The following FAM240B variants were observed in gnomAD, a reference collection of about 807,000 sequenced individuals.
The protein encoded by FAM240B is family with sequence similarity 240 member B, also known as protein FAM240B.
chr9:38,694,394 G>T lies in FAM240B; in HGVS notation c.*382C>A, dbSNP rs1435756174. 3.1e-5 allele frequency: 5 copies of T among 163,440 alleles called. No individual in the cohort carries two copies. Among genetic ancestry groups the T allele is most frequent in the African/African-American group, 1.2e-4 (5 of 41,968 alleles). The allele number at this position is 163,440 out of a possible 1,614,324, so 10.1% of individuals were successfully genotyped here. On this transcript the variant is annotated 3_prime_UTR_variant, in exon 3 of 3. Coordinates refer to ENST00000637493, the MANE Select transcript of FAM240B (RefSeq NM_001394922.1). ...CCTGGCAAAGCCAAATTTTCATCAAGGTCATTGCCCTCGGTAAGCTTAGAG... is the reference window on the plus strand; with the variant it reads ...CCTGGCAAAGCCAAATTTTCATCAATGTCATTGCCCTCGGTAAGCTTAGAG...
At chr9:38,714,016 G>C (rs528946740) in intron 1 of FAM240B, among the ~76,000 whole-genome samples, 49 of 152,234 alleles carry the variant, frequency 3.2e-4, no homozygotes, top group African/African-American at 1.2e-3. Context: ...ACATTTTGTA[G>C]TGTCACAAAG....
chr9:38,700,539 T>C (rs972243716), intron 2 of FAM240B, among the ~76,000 whole-genome samples: 2 of 152,218 alleles, frequency 1.3e-5, no homozygotes, highest in Non-Finnish European at 2.9e-5. Flanking sequence ...TTATCTAAAC[T>C]GAGATACTTT....
At chr9:38,709,510 C>T (rs561714479) in intron 1 of FAM240B, among the ~76,000 whole-genome samples, 1 of 152,314 alleles carries the variant, frequency 6.6e-6, no homozygotes, top group Admixed American at 6.5e-5. Flanking sequence ...GCACCTGGCC[C>T]AGGCAGAGAC....
intron 1 of FAM240B, among the ~76,000 whole-genome samples, chr9:38,707,464 TA>T (rs1420355129): frequency 2.0e-5 from 3 of 149,830 alleles, no homozygotes; most frequent in Admixed American, 1.3e-4. Flanking sequence ...ACCCAAGGAG[TA>T]AATTAATTCA....
intron 1 of FAM240B, among the ~76,000 whole-genome samples, chr9:38,717,626 G>A (rs919381175): frequency 1.3e-5 from 2 of 151,914 alleles, no homozygotes; most frequent in Non-Finnish European, 2.9e-5. Context: ...GACTACAGGC[G>A]CCCGCCGCCA....
chr9:38,717,328 C>G (rs1399790690), intron 1 of FAM240B, among the ~76,000 whole-genome samples: 2 of 152,228 alleles, frequency 1.3e-5, no homozygotes, highest in African/African-American at 4.8e-5. Flanking sequence ...CGCCTGTAAT[C>G]CCGGCATTTT....
intron 1 of FAM240B, among the ~76,000 whole-genome samples, chr9:38,714,479 C>CA (rs1821288501): frequency 6.6e-6 from 1 of 152,246 alleles, no homozygotes; most frequent in African/African-American, 2.4e-5. Context: ...TTAAGTCCCC[C>CA]TCCCCTTCAG....
intron 1 of FAM240B, among the ~76,000 whole-genome samples, chr9:38,716,749 T>C (rs1452155146): frequency 7.9e-5 from 12 of 152,234 alleles, no homozygotes. Context: ...CTAATGAATG[T>C]TACTTTTTTC....
chr9:38,713,018 G>A (rs757258653), intron 1 of FAM240B, among the ~76,000 whole-genome samples: 20 of 152,116 alleles, frequency 1.3e-4, no homozygotes, highest in African/African-American at 1.4e-4. Context: ...CAAGGGTCTC[G>A]CTTGGATCCA....
chr9:38,712,228 C>G (rs975698541), intron 1 of FAM240B, among the ~76,000 whole-genome samples: 5 of 152,128 alleles, frequency 3.3e-5, no homozygotes, highest in African/African-American at 1.2e-4. Flanking sequence ...CAGAGCTTAC[C>G]TGAATTCACT....
chr9:38,695,939 G>A (rs56103928), intron 2 of FAM240B, among the ~76,000 whole-genome samples: 3,454 of 152,306 alleles, frequency 0.023, 132 homozygotes, highest in African/African-American at 0.079. Context: ...ACTCAATGGA[G>A]GATGGATAGG....
intron 1 of FAM240B, among the ~76,000 whole-genome samples, chr9:38,707,366 G>C (rs1267284337): frequency 2.0e-5 from 3 of 152,238 alleles, no homozygotes; most frequent in South Asian, 2.1e-4. Flanking sequence ...TTTGGATATG[G>C]AAGGAGGATT....
At chr9:38,700,363 C>T (rs1320293975) in intron 2 of FAM240B, among the ~76,000 whole-genome samples, 1 of 152,078 alleles carries the variant, frequency 6.6e-6, no homozygotes, top group Non-Finnish European at 1.5e-5. Flanking sequence ...AGGCTTGATG[C>T]ACCCCCAGAT....
At chr9:38,709,371 A>C (rs1821226295) in intron 1 of FAM240B, among the ~76,000 whole-genome samples, 1 of 152,220 alleles carries the variant, frequency 6.6e-6, no homozygotes, top group African/African-American at 2.4e-5. Flanking sequence ...CAGAATTGAT[A>C]GCAATTTTAG....
intron 1 of FAM240B, among the ~76,000 whole-genome samples, chr9:38,713,560 A>T (rs762914368): frequency 7.3e-5 from 11 of 151,200 alleles, no homozygotes; most frequent in Non-Finnish European, 1.6e-4. Context: ...TGTAAAGGTC[A>T]GTATTGAATC....
chr9:38,694,741 CTTGCTATCT>C lies in FAM240B; in HGVS notation c.*26_*34del. ...TTTTTTTCCCCTAGAAAAGTGGTCG[CTTGCTATCT>C]TTGAAGTCGGTGAGGCAGGCAGAGC... On this transcript the variant is annotated 3_prime_UTR_variant, in exon 3 of 3. Transcript: ENST00000637493. 2.5e-6 allele frequency: 1 copy of C among 398,582 alleles called. No individual in the cohort carries two copies. The highest frequency in any genetic ancestry group is 6.3e-4 in the Middle Eastern group (1 of 1,588). The allele number at this position is 398,582 out of a possible 1,614,324, so 24.7% of individuals were successfully genotyped here.
intron 1 of FAM240B, 105 bp from the exon 2 acceptor site, chr9:38,704,107 G>GTTT (rs5897747): frequency 1.2e-3 from 374 of 317,200 alleles, no homozygotes; most frequent in African/African-American, 5.2e-3. Context: ...ATTTACACTT[G>GTTT]TTTTTTTTTT....
At position 38,703,690 on chromosome 9, in the gene FAM240B, C is replaced by T. The variant is rs10973985; in HGVS notation, c.143+167G>A. On this transcript the variant is annotated intron_variant, in intron 2 of 2. Coordinates refer to ENST00000637493, the MANE Select transcript of FAM240B (RefSeq NM_001394922.1). ...GTCTTGCTCCCATTTCCTCATGAGACCTCGCATTTCCTCCTGTCACTGCAC... is the reference window on the plus strand; with the variant it reads ...GTCTTGCTCCCATTTCCTCATGAGATCTCGCATTTCCTCCTGTCACTGCAC... 8.6e-3 allele frequency among the ~76,000 whole-genome samples: 1,313 copies of T among 152,254 alleles called. 12 individuals are homozygous for T. The highest frequency in any genetic ancestry group is 0.012 in the Non-Finnish European group (849 of 68,014).
intron 2 of FAM240B, among the ~76,000 whole-genome samples, chr9:38,700,195 T>C (rs1419333508): frequency 6.6e-6 from 1 of 152,238 alleles, no homozygotes; most frequent in Admixed American, 6.5e-5. Context: ...TTATTCTTTG[T>C]AGACTAACTC....
Sources: allele counts gnomAD v4.1 joint callset (sites outside exome capture counted in the v4.1 genomes callset), GRCh38; gene constraint gnomAD v4.1.1; transcripts MANE v1.5; gene names NCBI Gene and HGNC (gene_info 2026-07-23, HGNC 2026-07-21).